HSF2BP: variants seen among roughly 807,000 people sequenced by gnomAD.
HSF2BP encodes the protein heat shock factor 2-binding protein.
A neutral mutation model predicts 35.0 loss-of-function variants in HSF2BP; 35 were observed. That is an observed-to-expected ratio of 1.00 (90% CI 0.76 to 1.32). The LOEUF (loss-of-function observed/expected upper bound fraction) is 1.32. HSF2BP is among the 40% of genes most tolerant of loss of function. HSF2BP has a pLI of 0.00. For synonymous variants in HSF2BP, 114 were observed against 117.4 expected, an observed-to-expected ratio of 0.97 and a Z score of 0.18; for missense variants, 326 against 321.7, an observed-to-expected ratio of 1.01 and a Z score of -0.10.
At chr21:43,606,771 GA>G (rs1221312853) in intron 7 of HSF2BP, among the ~76,000 whole-genome samples, 4 of 152,194 alleles carry the variant, frequency 2.6e-5, no homozygotes, top group Admixed American at 6.5e-5. Context: ...TGGATGGTCA[GA>G]AAAGTACAGT....
At chr21:43,658,831 G>A (rs2082919907) in intron 1 of HSF2BP, among the ~76,000 whole-genome samples, 1 of 152,232 alleles carries the variant, frequency 6.6e-6, no homozygotes, top group African/African-American at 2.4e-5. Context: ...CCAAGCCTCT[G>A]CAGGCACTGG....
At chr21:43,648,249 G>A (rs748232052) in intron 3 of HSF2BP, among the ~76,000 whole-genome samples, 5 of 152,154 alleles carry the variant, frequency 3.3e-5, no homozygotes, top group East Asian at 1.9e-4. Context: ...AGGCTCCCTC[G>A]TCCTATGGCT....
At chr21:43,594,779 A>G (rs763197346) in intron 7 of HSF2BP, among the ~76,000 whole-genome samples, 10 of 152,080 alleles carry the variant, frequency 6.6e-5, no homozygotes, top group South Asian at 6.2e-4. Context: ...GGGAAAGATA[A>G]CTTGGAAAAA....
intron 6 of HSF2BP, among the ~76,000 whole-genome samples, chr21:43,622,395 A>G (rs11909530): frequency 0.039 from 6,003 of 152,242 alleles, 416 homozygotes; most frequent in African/African-American, 0.14. Flanking sequence ...GCTGAATGGA[A>G]AGAAACAAGA....
rs540532539 is a variant in HSF2BP at position 43,575,574 on chromosome 21, C to T, written c.796+16651G>A. Among the ~76,000 whole-genome samples the T allele has an allele frequency of 2.6e-5, 4 of 152,302 alleles. No individual in the cohort carries two copies. In the South Asian group the frequency reaches 8.3e-4, roughly 32 times the overall value. ...CAAACTACTTTCACACATATTACTG[C>T]ATTTTTACTTTGGGAGGAAAGTCTT... On this transcript the variant is annotated intron_variant, in intron 8 of 8. Transcript: ENST00000291560.
intron 7 of HSF2BP, among the ~76,000 whole-genome samples, chr21:43,603,214 G>A (rs1342076675): frequency 6.6e-6 from 1 of 152,180 alleles, no homozygotes; most frequent in Non-Finnish European, 1.5e-5. Context: ...AGGAGCCGTA[G>A]AAAGGAGACT....
In HSF2BP at chr21:43,574,313, G is replaced by A. The variant is rs952316110; in HGVS notation, c.796+17912C>T. ...TCTACACGTTGGGTGATTATCTTGG[G>A]AGCAATGGTTCCTAAACCTTTTTTT... On this transcript the variant is annotated intron_variant, in intron 8 of 8. Coordinates refer to ENST00000291560, the MANE Select transcript of HSF2BP (RefSeq NM_007031.2). Among the ~76,000 whole-genome samples the A allele has an allele frequency of 1.2e-4, 18 of 152,282 alleles. No individual in the cohort carries two copies. In the South Asian group the frequency reaches 2.5e-3, roughly 21 times the overall value.
intron 8 of HSF2BP, among the ~76,000 whole-genome samples, chr21:43,573,562 G>A (rs540780393): frequency 3.3e-5 from 5 of 152,284 alleles, no homozygotes; most frequent in Admixed American, 6.5e-5. Context: ...AAACACCTTC[G>A]TTCATGTGAT....
At chr21:43,582,568 C>T in intron 8 of HSF2BP, among the ~76,000 whole-genome samples, 1 of 65,544 alleles carries the variant, frequency 1.5e-5, no homozygotes, top group Non-Finnish European at 2.8e-5. Flanking sequence ...TGAGGACCTG[C>T]TGAGGGAGAT....
intron 7 of HSF2BP, among the ~76,000 whole-genome samples, chr21:43,604,966 TACACACC>T (rs2082112149): frequency 1.0e-5 from 1 of 96,902 alleles, no homozygotes; most frequent in Non-Finnish European, 2.1e-5. Context: ...ACACACACAC[TACACACC>T]ACACACACAT....
rs1202582185 is a variant in HSF2BP, at chr21:43,644,308, T to C, written c.272A>G (p.Asp91Gly). 1.1e-5 allele frequency: 17 copies of C among 1,613,770 alleles called. No homozygotes were observed. The highest frequency in any genetic ancestry group is 1.4e-5 in the Non-Finnish European group (17 of 1,179,738). The change falls in exon 4 of 9, where the codon GAC becomes GGC. Residue 91 changes from aspartate (D) to glycine (G), a missense_variant. Transcript: ENST00000291560. ...TGGTACCTTCTTCTCTCTTATGTTG[T>C]CGGCCTGCACGGTTTCCAGGCGGGC... ...FKARLETVQA[D>G]NIREKKEKLA...
At chr21:43,618,042 T>A (rs549873256) in intron 6 of HSF2BP, among the ~76,000 whole-genome samples, 2 of 152,192 alleles carry the variant, frequency 1.3e-5, no homozygotes, top group South Asian at 4.2e-4. Flanking sequence ...GAGGATCACT[T>A]GAGTCTAGAA....
At chr21:43,641,387 G>A (rs1228431519) in intron 4 of HSF2BP, among the ~76,000 whole-genome samples, 1 of 152,052 alleles carries the variant, frequency 6.6e-6, no homozygotes, top group Non-Finnish European at 1.5e-5. Flanking sequence ...ACTCTTTCCT[G>A]GCCCAGCCTC....
intron 8 of HSF2BP, among the ~76,000 whole-genome samples, chr21:43,589,827 C>T (rs1374624965): frequency 6.6e-6 from 1 of 151,836 alleles, no homozygotes. Context: ...ACAAAGCAAA[C>T]GATAAAAATA....
chr21:43,605,024 A>AGG (rs1568905987), intron 7 of HSF2BP, among the ~76,000 whole-genome samples: 1 of 133,360 alleles, frequency 7.5e-6, no homozygotes, highest in African/African-American at 2.8e-5. Context: ...CACACACATC[A>AGG]CACACACCAC....
At chr21:43,608,887 T>C (rs1476576114) in intron 7 of HSF2BP, among the ~76,000 whole-genome samples, 2 of 152,270 alleles carry the variant, frequency 1.3e-5, no homozygotes, top group Non-Finnish European at 2.9e-5. Context: ...GCAGAAGGAT[T>C]GCTTGAGCCC....
intron 6 of HSF2BP, among the ~76,000 whole-genome samples, chr21:43,623,301 A>G (rs1242742635): frequency 3.9e-5 from 6 of 152,208 alleles, no homozygotes; most frequent in Non-Finnish European, 8.8e-5. Context: ...TCTCTAGGAC[A>G]TGGCAAAAGC....
At chr21:43,602,090 A>G (rs1601647673) in intron 7 of HSF2BP, among the ~76,000 whole-genome samples, 1 of 152,356 alleles carries the variant, frequency 6.6e-6, no homozygotes, top group East Asian at 1.9e-4. Flanking sequence ...GCTCTCACTC[A>G]TCATGCAACA....
chr21:43,635,185 C>T (rs776161284), intron 4 of HSF2BP, among the ~76,000 whole-genome samples: 2 of 151,896 alleles, frequency 1.3e-5, no homozygotes, highest in Non-Finnish European at 2.9e-5. Context: ...AACTACAAAG[C>T]ATTACTGAGA....
Sources: allele counts gnomAD v4.1 joint callset (sites outside exome capture counted in the v4.1 genomes callset), GRCh38; gene constraint gnomAD v4.1.1; transcripts MANE v1.5; gene names NCBI Gene and HGNC (gene_info 2026-07-23, HGNC 2026-07-21).